KCND3: variants seen among roughly 807,000 people sequenced by gnomAD.
The protein encoded by KCND3 is A-type voltage-gated potassium channel KCND3.
Under a neutral mutation model 51.1 loss-of-function variants are expected in KCND3, and 9 were observed. The ratio of observed to expected loss-of-function variants is 0.18; its 90% CI spans 0.11 to 0.31. The LOEUF (loss-of-function observed/expected upper bound fraction) is 0.31. Among genes scored for constraint, KCND3 ranks in the 10% least tolerant of loss-of-function variants. The pLI is 1.00. For missense variants in KCND3, 526 were observed against 903.8 expected, an observed-to-expected ratio of 0.58 and a Z score of 5.36; for synonymous variants, 349 against 368.0, an observed-to-expected ratio of 0.95 and a Z score of 0.59.
chr1:111,856,388 T>A (rs949294280), intron 2 of KCND3, among the ~76,000 whole-genome samples: 1 of 152,206 alleles, frequency 6.6e-6, no homozygotes, highest in African/African-American at 2.4e-5. Context: ...GCGACTGTGA[T>A]CATTACAGAG....
intron 2 of KCND3, among the ~76,000 whole-genome samples, chr1:111,791,255 T>C (rs1664812131): frequency 6.6e-6 from 1 of 152,246 alleles, no homozygotes; most frequent in South Asian, 2.1e-4. Context: ...CTCATTGTGG[T>C]TTTGATTTGG....
chr1:111,947,781 A>G (rs1278578162), intron 2 of KCND3, among the ~76,000 whole-genome samples: 1 of 152,224 alleles, frequency 6.6e-6, no homozygotes, highest in Non-Finnish European at 1.5e-5. Flanking sequence ...ATATCGGTAG[A>G]CCAGCTGTTT....
chr1:111,891,237 G>T (rs1020697406), intron 2 of KCND3, among the ~76,000 whole-genome samples: 3 of 152,118 alleles, frequency 2.0e-5, no homozygotes, highest in African/African-American at 7.2e-5. Context: ...TGCTTATCAG[G>T]TTACAAAGAA....
At chr1:111,972,495 A>G (rs1674398644) in intron 2 of KCND3, among the ~76,000 whole-genome samples, 2 of 152,186 alleles carry the variant, frequency 1.3e-5, no homozygotes, top group Non-Finnish European at 2.9e-5. Flanking sequence ...CTTAAACACT[A>G]GCAAACCAGC....
At chr1:111,925,893 C>T (rs1051225199) in intron 2 of KCND3, among the ~76,000 whole-genome samples, 3 of 152,096 alleles carry the variant, frequency 2.0e-5, no homozygotes, top group Admixed American at 6.5e-5. Context: ...ATCCTTCCCC[C>T]GACACCATCC....
intron 2 of KCND3, among the ~76,000 whole-genome samples, chr1:111,953,899 C>T (rs961237159): frequency 6.6e-6 from 1 of 152,184 alleles, no homozygotes; most frequent in Non-Finnish European, 1.5e-5. Context: ...CCCTCCTGCT[C>T]CAGATCACTC....
chr1:111,823,836 T>C (rs1223346418), intron 2 of KCND3, among the ~76,000 whole-genome samples: 1 of 152,166 alleles, frequency 6.6e-6, no homozygotes, highest in African/African-American at 2.4e-5. Flanking sequence ...GGGGAAATTC[T>C]GACTACATAA....
At chr1:111,940,171 G>C (rs1291721542) in intron 2 of KCND3, among the ~76,000 whole-genome samples, 1 of 135,668 alleles carries the variant, frequency 7.4e-6, no homozygotes, top group African/African-American at 2.9e-5. Flanking sequence ...CCATTCTGTA[G>C]GTTGCCTATT....
intron 2 of KCND3, among the ~76,000 whole-genome samples, chr1:111,913,308 G>A (rs1671051141): frequency 6.6e-6 from 1 of 152,150 alleles, no homozygotes; most frequent in Non-Finnish European, 1.5e-5. Flanking sequence ...ACTCTATCAT[G>A]TCTGTTCAAC....
intron 2 of KCND3, among the ~76,000 whole-genome samples, chr1:111,895,360 G>C (rs1571813179): frequency 6.6e-6 from 1 of 152,246 alleles, no homozygotes; most frequent in East Asian, 1.9e-4. Flanking sequence ...ACATGGCCTT[G>C]GCCTCACAGA....
At position 111,770,916 on chromosome 1, in the gene KCND3, C is replaced by T. The variant is rs1663889675; in HGVS notation, c.*5161G>A. On this transcript the variant is annotated 3_prime_UTR_variant, in exon 8 of 8. Transcript: ENST00000302127. ...TGATAAGCAAAGCCCATTTATTATACGAAAATAGAAAAGAACACACTTGAT... is the reference window on the plus strand; with the variant it reads ...TGATAAGCAAAGCCCATTTATTATATGAAAATAGAAAAGAACACACTTGAT... The T allele has an allele frequency of 6.6e-6, 1 of 151,402 alleles. No homozygotes were observed. The highest frequency in any genetic ancestry group is 2.1e-4 in the South Asian group (1 of 4,812). The allele number at this position is 151,402 out of a possible 1,614,324, so 9.4% of individuals were successfully genotyped here.
At chr1:111,810,794 A>G (rs1665812630) in intron 2 of KCND3, among the ~76,000 whole-genome samples, 1 of 152,186 alleles carries the variant, frequency 6.6e-6, no homozygotes, top group Non-Finnish European at 1.5e-5. Flanking sequence ...AAACTTGGCT[A>G]TATTTTTTTT....
chr1:111,985,793 C>A (rs1267548462), intron 1 of KCND3, among the ~76,000 whole-genome samples: 2 of 152,226 alleles, frequency 1.3e-5, no homozygotes, highest in African/African-American at 2.4e-5. Flanking sequence ...GGTCCCTTCT[C>A]TCCCTAATAA....
chr1:111,799,074 G>A (rs1053013527), intron 2 of KCND3, among the ~76,000 whole-genome samples: 6 of 152,114 alleles, frequency 3.9e-5, no homozygotes, highest in Admixed American at 1.3e-4. Flanking sequence ...GTTGGGCCTC[G>A]AAATGGGCTG....
intron 1 of KCND3, among the ~76,000 whole-genome samples, chr1:111,987,515 G>A (rs1162963477): frequency 1.3e-5 from 2 of 152,146 alleles, no homozygotes; most frequent in Middle Eastern, 3.2e-3. Flanking sequence ...GTGGGGGTTG[G>A]GAGGTGAAAG....
intron 2 of KCND3, among the ~76,000 whole-genome samples, chr1:111,900,312 G>A (rs1355474895): frequency 6.6e-6 from 1 of 152,150 alleles, no homozygotes; most frequent in Non-Finnish European, 1.5e-5. Flanking sequence ...CCCCGGACCT[G>A]CCTTCCAAAC....
chr1:111,937,128 G>A (rs1036256371), intron 2 of KCND3, among the ~76,000 whole-genome samples: 1 of 152,174 alleles, frequency 6.6e-6, no homozygotes, highest in African/African-American at 2.4e-5. Context: ...TAAGTCCCAA[G>A]CTGGGCTGAC....
intron 2 of KCND3, among the ~76,000 whole-genome samples, chr1:111,965,488 A>G (rs932377411): frequency 1.3e-4 from 19 of 148,932 alleles, no homozygotes; most frequent in African/African-American, 4.8e-4. Context: ...ACACACACAC[A>G]CGCCAGGAGC....
chr1:111,962,750 C>A (rs958070610), intron 2 of KCND3, among the ~76,000 whole-genome samples: 7 of 152,218 alleles, frequency 4.6e-5, no homozygotes, highest in Admixed American at 4.6e-4. Flanking sequence ...CTTTTCATCC[C>A]TTTGTATTTA....
Sources: allele counts gnomAD v4.1 joint callset (sites outside exome capture counted in the v4.1 genomes callset), GRCh38; gene constraint gnomAD v4.1.1; transcripts MANE v1.5; gene names NCBI Gene and HGNC (gene_info 2026-07-23, HGNC 2026-07-21).